COQ7: variants seen among roughly 807,000 people sequenced by gnomAD.
COQ7 encodes the protein coenzyme Q7, hydroxylase.
Under a neutral mutation model 25.0 loss-of-function variants are expected in COQ7, and 21 were observed. That is an observed-to-expected ratio of 0.84 (90% confidence interval 0.60 to 1.21). COQ7 has a LOEUF of 1.21. COQ7 is among the 50% of genes most tolerant of loss of function. The probability of loss-of-function intolerance (pLI) is 0.00; values close to 1 mark genes in which losing one functional copy is unlikely to be tolerated. For synonymous variants in COQ7, 125 were observed against 112.4 expected, an observed-to-expected ratio of 1.11 and a Z score of -0.71; for missense variants, 311 against 296.2, an observed-to-expected ratio of 1.05 and a Z score of -0.37.
In COQ7 at chr16:19,078,558, C is replaced by G. The variant is rs1415442475; in HGVS notation, c.*400C>G. ...GCAGCCTGGACCTCCTAGCCTCAAG[C>G]AATCCACCCACCTCAGCCTTCCAAG... On this transcript the variant is annotated 3_prime_UTR_variant, in exon 6 of 6. Coordinates refer to ENST00000321998, the MANE Select transcript of COQ7 (RefSeq NM_016138.5). The G allele has an allele frequency of 6.6e-6, 1 of 152,394 alleles. No individual in the cohort carries two copies. Among genetic ancestry groups the G allele is most frequent in the Admixed American group, 6.6e-5 (1 of 15,250 alleles). The allele number at this position is 152,394 out of a possible 1,614,324, so 9.4% of individuals were successfully genotyped here.
chr16:19,077,985 T>C (rs945441097), intron 5 of COQ7, 96 bp from the exon 6 acceptor site: 22 of 816,824 alleles, frequency 2.7e-5, no homozygotes, highest in African/African-American at 5.4e-5. Flanking sequence ...CTATTTCTTA[T>C]CCAGAGAAAT....
chr16:19,078,180 C>G lies in COQ7; in HGVS notation c.*22C>G, dbSNP rs1962961908. ...ATAAAGTGTGTCCAGTTTTGCCTGT[C>G]TATAAAAGATGATAGTAATTTACCA... On this transcript the variant is annotated 3_prime_UTR_variant, in exon 6 of 6. Transcript: ENST00000321998. 6.3e-7 allele frequency: 1 copy of G among 1,585,696 alleles called. No individual in the cohort carries two copies. The highest frequency in any genetic ancestry group is 1.4e-5 in the African/African-American group (1 of 73,650).
chr16:19,072,648 G>A (rs1332525988), intron 2 of COQ7, among the ~76,000 whole-genome samples: 1 of 152,152 alleles, frequency 6.6e-6, no homozygotes, highest in East Asian at 1.9e-4. Context: ...GCCCATAAAG[G>A]TCAAGTTAGT....
intron 4 of COQ7, among the ~76,000 whole-genome samples, chr16:19,076,641 C>CTGGAGTG (rs2142391863): frequency 7.5e-6 from 1 of 132,776 alleles, no homozygotes; most frequent in South Asian, 2.5e-4. Flanking sequence ...GTCCCCAAGG[C>CTGGAGTG]TGGAGTGCAG....
At position 19,074,025 on chromosome 16, in the gene COQ7, G is replaced by T. The variant is rs1477552135; in HGVS notation, c.357G>T (p.Gly119=). 6.2e-7 allele frequency: 1 copy of T among 1,612,506 alleles called. No homozygotes were observed. The highest frequency in any genetic ancestry group is 8.5e-7 in the Non-Finnish European group (1 of 1,179,196). The part of the protein sequence containing the change: ...TVLMPLWNVL[G]FALGAGTALL... ...TGATGCCCTTGTGGAACGTGCTGGG[G>T]TTTGCACTGGGTACGTGTCTCTCTA... Residue 119 remains glycine, a synonymous_variant, in exon 3 of 6, where the codon GGG becomes GGT. Transcript: ENST00000321998.
At chr16:19,069,097 C>G (rs891534289) in intron 1 of COQ7, among the ~76,000 whole-genome samples, 1 of 152,090 alleles carries the variant, frequency 6.6e-6, no homozygotes, top group Non-Finnish European at 1.5e-5. Context: ...CCATAAGCCA[C>G]TTAATATTTT....
chr16:19,067,718 G>A lies in COQ7; in HGVS notation c.54G>A (p.Gly18=), dbSNP rs1302820078. Residue 18 remains glycine, a synonymous_variant, in exon 1 of 6, where the codon GGG becomes GGA. Transcript: ENST00000321998. ...AAPRLWRLRP[G]ARRSLSAYGR... ...CCCGCCTTTGGCGGCTGCGCCCGGG[G>A]GCCCGGCGGTCCCTCTCAGGTAAAA... 5.6e-6 allele frequency: 9 copies of A among 1,605,968 alleles called. No homozygotes were observed. Among genetic ancestry groups the A allele is most frequent in the South Asian group, 3.3e-5 (3 of 90,910 alleles).
Position 19,077,375 on chromosome 16 carries a change from G to A in COQ7, c.576+1G>A. 11 of 1,613,846 alleles carry A rather than the reference G, an allele frequency of 6.8e-6. No homozygotes were observed. The highest frequency in any genetic ancestry group is 9.3e-6 in the Non-Finnish European group (11 of 1,179,800). On this transcript the variant is annotated splice_donor_variant, in intron 5 of 5. Coordinates refer to ENST00000321998, the MANE Select transcript of COQ7 (RefSeq NM_016138.5). LOFTEE classifies it high-confidence loss of function. ...AGGCCTCGACCATGATGCAGAATTG[G>A]TAGGGCCCTACTGTTACCTGTTCTG... is the stretch of plus-strand genomic sequence containing the variant.
chr16:19,081,955 A>T (rs551847816), downstream of COQ7, among the ~76,000 whole-genome samples: 2 of 152,148 alleles, frequency 1.3e-5, no homozygotes, highest in Admixed American at 6.6e-5. Context: ...GAGGAGGCGG[A>T]GGTTGCCGTG....
At chr16:19,077,603 T>TTTTTTTTTTTTTTTTTC (rs1001368417) in intron 5 of COQ7, among the ~76,000 whole-genome samples, 19 of 142,430 alleles carry the variant, frequency 1.3e-4, no homozygotes, top group Non-Finnish European at 2.2e-4. Context: ...TTTTTTTTTT[T>TTTTTTTTTTTTTTTTTC]TCCCAGACAC....
chr16:19,071,921 A>G lies in COQ7; in HGVS notation c.74-7A>G, dbSNP rs1962576909. 2 of 1,614,134 alleles carry G rather than the reference A, an allele frequency of 1.2e-6. No individual in the cohort carries two copies. Among genetic ancestry groups the G allele is most frequent in the East Asian group, 4.5e-5 (2 of 44,884 alleles). ...ATCATAACGAAGAATAAACACTTGC[A>G]TTTCAGCTTATGGAAGAAGAACCAG... On this transcript the variant is annotated splice_region_variant and splice_polypyrimidine_tract_variant and intron_variant, in intron 1 of 5. Transcript: ENST00000321998.
Position 19,078,068 on chromosome 16 carries a change from T to G in COQ7, c.577-13T>G. The G allele has an allele frequency of 6.3e-7, 1 of 1,584,310 alleles. No individual in the cohort carries two copies. Among genetic ancestry groups the G allele is most frequent in the Non-Finnish European group, 8.6e-7 (1 of 1,166,534 alleles). ...CATAACATGTTTCTTTGTTTGCTTA[T>G]TGTTTTTAACAGGCTCCAGCCTATG... On this transcript the variant is annotated splice_polypyrimidine_tract_variant and intron_variant, in intron 5 of 5. Coordinates refer to ENST00000321998, the MANE Select transcript of COQ7 (RefSeq NM_016138.5).
At position 19,077,381 on chromosome 16, in the gene COQ7, C is replaced by T; in HGVS notation, c.576+7C>T. 1 of 1,612,996 alleles carries T rather than the reference C, an allele frequency of 6.2e-7. No homozygotes were observed. Among genetic ancestry groups the T allele is most frequent in the Non-Finnish European group, 8.5e-7 (1 of 1,179,122 alleles). On this transcript the variant is annotated splice_region_variant and intron_variant, in intron 5 of 5. Coordinates refer to ENST00000321998, the MANE Select transcript of COQ7 (RefSeq NM_016138.5). The stretch of plus-strand genomic sequence containing the variant: ...CGACCATGATGCAGAATTGGTAGGG[C>T]CCTACTGTTACCTGTTCTGCTTTGG...
At chr16:19,080,401 G>T (rs1418307903), downstream of COQ7, among the ~76,000 whole-genome samples, 1 of 152,120 alleles carries the variant, frequency 6.6e-6, no homozygotes, top group Non-Finnish European at 1.5e-5. Flanking sequence ...AATGGGTAAA[G>T]GTTTTGTGCT....
intron 1 of COQ7, among the ~76,000 whole-genome samples, chr16:19,069,120 C>CT (rs1962412492): frequency 6.6e-6 from 1 of 152,122 alleles, no homozygotes; most frequent in Non-Finnish European, 1.5e-5. Context: ...AGGTACCACA[C>CT]TGGCATGTTT....
At chr16:19,081,291 T>A (rs1963095005), downstream of COQ7, among the ~76,000 whole-genome samples, 1 of 152,188 alleles carries the variant, frequency 6.6e-6, no homozygotes, top group Non-Finnish European at 1.5e-5. Context: ...AAGAATCCAT[T>A]TTCTTTTGCA....
At chr16:19,071,435 C>G (rs572223146) in intron 1 of COQ7, among the ~76,000 whole-genome samples, 3 of 152,244 alleles carry the variant, frequency 2.0e-5, no homozygotes, top group Non-Finnish European at 4.4e-5. Context: ...CGCGCCCGGA[C>G]AGGTGTGGAT....
At chr16:19,080,434 T>C (rs1212021697), downstream of COQ7, among the ~76,000 whole-genome samples, 1 of 152,220 alleles carries the variant, frequency 6.6e-6, no homozygotes, top group Non-Finnish European at 1.5e-5. Flanking sequence ...TTTTGAGTCA[T>C]CATTTTGGCT....
chr16:19,075,015 T>C (rs961209376), intron 3 of COQ7, among the ~76,000 whole-genome samples: 7 of 152,250 alleles, frequency 4.6e-5, no homozygotes, highest in South Asian at 2.1e-4. Flanking sequence ...ATCAAAGATA[T>C]ACTCACCCCA....
Sources: allele counts gnomAD v4.1 joint callset (sites outside exome capture counted in the v4.1 genomes callset), GRCh38; gene constraint gnomAD v4.1.1; transcripts MANE v1.5; gene names NCBI Gene and HGNC (gene_info 2026-07-23, HGNC 2026-07-21).